The following EYS variants were observed in gnomAD, a reference collection of about 807,000 sequenced individuals.
The protein encoded by EYS is protein eyes shut homolog.
Under a neutral mutation model 282.1 loss-of-function variants are expected in EYS, and 250 were observed. That is an observed-to-expected ratio of 0.89 (90% confidence interval 0.80 to 0.98). The LOEUF (loss-of-function observed/expected upper bound fraction) is 0.98. Ranked by LOEUF, EYS falls within the 50% of genes least tolerant of loss-of-function variation. The pLI, the probability that EYS is intolerant of heterozygous loss-of-function variation, is 0.00. For missense variants in EYS, 4,016 were observed against 3,709.0 expected (o/e 1.08, Z -2.15); for synonymous variants, 1,355 against 1,282.9 (o/e 1.06, Z -1.20).
intron 24 of EYS, among the ~76,000 whole-genome samples, chr6:64,614,883 G>A (rs555721741): frequency 1.9e-4 from 29 of 152,170 alleles, no homozygotes; most frequent in Non-Finnish European, 2.9e-4. Flanking sequence ...TCATAAAATC[G>A]AATAATTGTA....
At chr6:63,941,313 A>G (rs1396460830) in intron 35 of EYS, among the ~76,000 whole-genome samples, 18 of 152,238 alleles carry the variant, frequency 1.2e-4, no homozygotes, top group African/African-American at 3.1e-4. Flanking sequence ...GTGTAAAAGT[A>G]TTCCTATTTC....
intron 36 of EYS, among the ~76,000 whole-genome samples, chr6:63,818,101 T>G (rs887457884): frequency 2.0e-5 from 3 of 152,200 alleles, no homozygotes; most frequent in African/African-American, 7.2e-5. Flanking sequence ...TCCACCTTTT[T>G]GAAATACAAT....
intron 2 of EYS, among the ~76,000 whole-genome samples, chr6:65,539,841 C>A (rs72878444): frequency 0.02 from 3,057 of 152,288 alleles, 52 homozygotes; most frequent in Middle Eastern, 0.054. Context: ...ATCGAATTCT[C>A]TCTGAAGTAT....
intron 19 of EYS, among the ~76,000 whole-genome samples, chr6:64,854,910 G>A (rs1036257043): frequency 3.3e-5 from 5 of 151,484 alleles, no homozygotes; most frequent in African/African-American, 9.7e-5. Flanking sequence ...GAATCCTTTC[G>A]GCCTATTTTT....
At chr6:65,133,882 TA>T in intron 12 of EYS, among the ~76,000 whole-genome samples, 2 of 151,984 alleles carry the variant, frequency 1.3e-5, no homozygotes, top group South Asian at 4.1e-4. Flanking sequence ...GACAAAGGTC[TA>T]ATATCTAGCA....
intron 29 of EYS, among the ~76,000 whole-genome samples, chr6:64,325,065 C>G (rs1226517452): frequency 1.3e-5 from 2 of 152,132 alleles, no homozygotes; most frequent in African/African-American, 4.8e-5. Context: ...TTATTCCTAT[C>G]GAACTACCAA....
chr6:63,766,402 G>A (rs1035773541), intron 40 of EYS, among the ~76,000 whole-genome samples: 3 of 151,936 alleles, frequency 2.0e-5, no homozygotes, highest in Non-Finnish European at 4.4e-5. Flanking sequence ...TTGGTTTATT[G>A]TAAGTTTTCA....
At chr6:65,651,488 C>T (rs1437986064) in intron 1 of EYS, among the ~76,000 whole-genome samples, 1 of 151,838 alleles carries the variant, frequency 6.6e-6, no homozygotes, top group Non-Finnish European at 1.5e-5. Context: ...TTCTTTGAGT[C>T]CTAGGTTTAT....
At chr6:65,038,272 C>T (rs956785773) in intron 13 of EYS, among the ~76,000 whole-genome samples, 8 of 151,362 alleles carry the variant, frequency 5.3e-5, no homozygotes, top group African/African-American at 1.7e-4. Flanking sequence ...TGTCCCCTTC[C>T]CAATCAACAC....
At chr6:64,734,880 T>C (rs1772131480) in intron 22 of EYS, among the ~76,000 whole-genome samples, 1 of 152,202 alleles carries the variant, frequency 6.6e-6, no homozygotes, top group African/African-American at 2.4e-5. Context: ...TCATTAACTA[T>C]GATTTCAGAA....
intron 35 of EYS, among the ~76,000 whole-genome samples, chr6:63,935,418 G>C (rs777303827): frequency 6.6e-6 from 1 of 152,194 alleles, no homozygotes; most frequent in African/African-American, 2.4e-5. Context: ...CTAACACCCA[G>C]TATCTCACAG....
In EYS at chr6:64,224,813, C is replaced by T. The variant is rs116170288; in HGVS notation, c.6424+5779G>A. Among the ~76,000 whole-genome samples the T allele has an allele frequency of 9.4e-3, 1,411 of 149,940 alleles. 11 individuals are homozygous for T. The highest frequency in any genetic ancestry group is 0.015 in the Non-Finnish European group (1,021 of 67,512). On this transcript the variant is annotated intron_variant, in intron 31 of 42. Transcript: ENST00000503581. ...GGGAGAAAAAAAATGTGCACACATG[C>T]TATGAATGCCTTTTGTGAATGATTT...
At chr6:65,670,635 C>T (rs1456323692) in intron 1 of EYS, among the ~76,000 whole-genome samples, 6 of 151,902 alleles carry the variant, frequency 3.9e-5, no homozygotes, top group African/African-American at 1.2e-4. Flanking sequence ...ATAATGAATG[C>T]TAACTTAAGA....
chr6:65,285,568 A>T (rs1197710814), intron 12 of EYS, among the ~76,000 whole-genome samples: 4 of 152,028 alleles, frequency 2.6e-5, no homozygotes, highest in Admixed American at 2.6e-4. Flanking sequence ...TTCATAAAAA[A>T]GATCATTTTG....
At position 63,726,546 on chromosome 6, in the gene EYS, C is replaced by CTT; in HGVS notation, c.8205_8206insAA (p.Ala2736LysfsTer6). The CTT allele has an allele frequency of 6.4e-7, 1 of 1,551,122 alleles. No homozygotes were observed. The highest frequency in any genetic ancestry group is 2.4e-5 in the East Asian group (1 of 40,890). The stretch of plus-strand genomic sequence containing the variant: ...GATTGGGCTTTTAAGTGTTGTGCAG[C>CTT]ATAAAATAGGATACCATCTGCAGCG... On this transcript the variant is annotated frameshift_variant, in exon 42 of 43. Coordinates refer to ENST00000503581, the MANE Select transcript of EYS (RefSeq NM_001142800.2). LOFTEE classifies it low-confidence loss of function (END_TRUNC).
At chr6:65,682,189 G>A (rs763560920) in intron 1 of EYS, among the ~76,000 whole-genome samples, 7 of 151,904 alleles carry the variant, frequency 4.6e-5, no homozygotes, top group Non-Finnish European at 1.0e-4. Flanking sequence ...TCTCTTGGGA[G>A]CAATGAAGAG....
At position 63,778,160 on chromosome 6, in the gene EYS, C is replaced by T. The variant is rs779269543; in HGVS notation, c.7744G>A (p.Val2582Ile). The T allele has an allele frequency of 2.7e-5, 42 of 1,551,852 alleles. 1 individual carries two copies. The South Asian group carries it at 4.3e-4, about 16-fold the overall frequency. ...AAATGGCCATCCTTCTCAGTGCGAA[C>T]TTGAAGAGTGAAAATACAGCCTTGA... ...GFQGCIFTLQ[V>I]RTEKDGHFRG... The change falls in exon 40 of 43, where the codon GTT (valine) becomes ATT (isoleucine). Residue 2582 changes from valine (V) to isoleucine (I), a missense_variant. Physicochemically the swap from Val to Ile is conservative, Grantham distance 29. Coordinates refer to ENST00000503581, the MANE Select transcript of EYS (RefSeq NM_001142800.2).
intron 1 of EYS, among the ~76,000 whole-genome samples, chr6:65,695,160 G>C (rs1417689819): frequency 1.3e-5 from 2 of 152,140 alleles, no homozygotes; most frequent in African/African-American, 4.8e-5. Context: ...TGTTCATTTA[G>C]TTTCTTAAAT....
At chr6:64,151,015 C>A (rs1774684893) in intron 31 of EYS, among the ~76,000 whole-genome samples, 1 of 151,772 alleles carries the variant, frequency 6.6e-6, no homozygotes, top group African/African-American at 2.4e-5. Context: ...TATCTCATAA[C>A]TAAGTAATTA....
Sources: allele counts gnomAD v4.1 joint callset (sites outside exome capture counted in the v4.1 genomes callset), GRCh38; gene constraint gnomAD v4.1.1; transcripts MANE v1.5; gene names NCBI Gene and HGNC (gene_info 2026-07-23, HGNC 2026-07-21).